The following ITSN1 variants were observed in gnomAD, a reference collection of about 807,000 sequenced individuals.
The protein encoded by ITSN1 is intersectin 1.
A neutral mutation model predicts 239.8 loss-of-function variants in ITSN1; 58 were observed. The ratio of observed to expected loss-of-function variants is 0.24; its 90% CI spans 0.20 to 0.30. ITSN1 has a LOEUF of 0.30. ITSN1 is among the 10% of genes least tolerant of loss of function. The pLI is 1.00. For missense variants in ITSN1, 1,558 were observed against 2,103.3 expected (o/e 0.74, Z 5.07); for synonymous variants, 780 against 770.8 (o/e 1.01, Z -0.20).
At chr21:33,700,315 C>A (rs1231464481) in intron 1 of ITSN1, among the ~76,000 whole-genome samples, 1 of 152,140 alleles carries the variant, frequency 6.6e-6, no homozygotes, top group East Asian at 1.9e-4. Context: ...GAACTCCTAA[C>A]CTCAGGTGAT....
chr21:33,693,335 T>A (rs1363709243), intron 1 of ITSN1, among the ~76,000 whole-genome samples: 1 of 151,494 alleles, frequency 6.6e-6, no homozygotes, highest in Non-Finnish European at 1.5e-5. Context: ...GTTTTTTGTT[T>A]TGTTTTGTTT....
At position 33,866,923 on chromosome 21, in the gene ITSN1, A is replaced by T. The variant is rs550588785; in HGVS notation, c.4075-310A>T. 2.9e-5 allele frequency among the ~76,000 whole-genome samples: 4 copies of T among 137,448 alleles called. No individual in the cohort carries two copies. The East Asian group carries it at 8.8e-4, about 30-fold the overall frequency. The allele number at this position is 137,448 out of a possible 152,430, so 90.2% of individuals were successfully genotyped here. On this transcript the variant is annotated intron_variant, in intron 32 of 39. Coordinates refer to ENST00000381318, the MANE Select transcript of ITSN1 (RefSeq NM_003024.3). ...AAGTTTCTGCAGACATCCAGACGAAATATTCTGTGTAAAGCCAGAATCTCA... is the reference window on the plus strand; with the variant it reads ...AAGTTTCTGCAGACATCCAGACGAATTATTCTGTGTAAAGCCAGAATCTCA...
chr21:33,745,842 G>A (rs554421188), intron 5 of ITSN1, among the ~76,000 whole-genome samples: 1 of 152,194 alleles, frequency 6.6e-6, no homozygotes, highest in Non-Finnish European at 1.5e-5. Context: ...AGACCAGGGT[G>A]GGCCCGAGTC....
At chr21:33,838,248 CTG>C (rs2074697565) in intron 29 of ITSN1, 3 of 985,358 alleles carry the variant, frequency 3.0e-6, no homozygotes, top group Non-Finnish European at 3.6e-6. Context: ...CCTAAAGACT[CTG>C]TAATGCTCAC....
intron 17 of ITSN1, among the ~76,000 whole-genome samples, chr21:33,795,033 A>C (rs2071428682): frequency 6.6e-6 from 1 of 152,206 alleles, no homozygotes; most frequent in South Asian, 2.1e-4. Context: ...AAATTGTAGA[A>C]ATTTGTGTCT....
At chr21:33,832,148 C>T (rs1202039087) in intron 27 of ITSN1, among the ~76,000 whole-genome samples, 2 of 152,174 alleles carry the variant, frequency 1.3e-5, no homozygotes, top group African/African-American at 4.8e-5. Context: ...GAAACACCAG[C>T]ACCCCCTGCT....
chr21:33,889,668 A>G lies in ITSN1; in HGVS notation c.*1368A>G, dbSNP rs1160365720. The G allele has an allele frequency of 1.3e-5, 2 of 152,170 alleles. No individual in the cohort carries two copies. Among genetic ancestry groups the G allele is most frequent in the South Asian group, 4.1e-4 (2 of 4,828 alleles). The allele number at this position is 152,170 out of a possible 1,614,324, so 9.4% of individuals were successfully genotyped here. On this transcript the variant is annotated 3_prime_UTR_variant, in exon 40 of 40. Coordinates refer to ENST00000381318, the MANE Select transcript of ITSN1 (RefSeq NM_003024.3). ...GTTGTGGTCATGAAATGTCCTTTGC[A>G]TGTTCTGTTGGTACTGGAGTCTAGC...
intron 1 of ITSN1, among the ~76,000 whole-genome samples, chr21:33,655,417 A>G (rs1324483568): frequency 6.6e-6 from 1 of 151,772 alleles, no homozygotes; most frequent in Non-Finnish European, 1.5e-5. Flanking sequence ...AGCCACTGAA[A>G]CAAGATTTTT....
intron 16 of ITSN1, among the ~76,000 whole-genome samples, chr21:33,782,723 A>G (rs1479967145): frequency 6.6e-6 from 1 of 152,160 alleles, no homozygotes; most frequent in South Asian, 2.1e-4. Context: ...CAACTGTATC[A>G]TCTTAAGAAT....
chr21:33,650,259 T>G (rs939394886), intron 1 of ITSN1, among the ~76,000 whole-genome samples: 1 of 152,144 alleles, frequency 6.6e-6, no homozygotes, highest in African/African-American at 2.4e-5. Flanking sequence ...TGGATACAGT[T>G]CATGGACGTG....
At chr21:33,756,077 A>T (rs998558637) in intron 8 of ITSN1, among the ~76,000 whole-genome samples, 5 of 152,132 alleles carry the variant, frequency 3.3e-5, no homozygotes, top group African/African-American at 1.2e-4. Context: ...TGGGAGGCTG[A>T]GGCGGGTGGA....
At chr21:33,862,600 G>A (rs1223936229) in intron 31 of ITSN1, among the ~76,000 whole-genome samples, 1 of 152,142 alleles carries the variant, frequency 6.6e-6, no homozygotes, top group African/African-American at 2.4e-5. Flanking sequence ...GCGAGATGGC[G>A]GGAGCAGGGC....
At chr21:33,678,963 G>A (rs1208195543) in intron 1 of ITSN1, among the ~76,000 whole-genome samples, 1 of 152,156 alleles carries the variant, frequency 6.6e-6, no homozygotes, top group African/African-American at 2.4e-5. Flanking sequence ...ATGTATTGTT[G>A]ATATGGTTCT....
chr21:33,701,630 TAA>T (rs371072153), intron 1 of ITSN1, among the ~76,000 whole-genome samples: 8 of 141,030 alleles, frequency 5.7e-5, no homozygotes, highest in Non-Finnish European at 4.7e-5. Flanking sequence ...CTGTGTCTGT[TAA>T]AAAAAAAAAA....
chr21:33,700,708 C>G (rs2091970513), intron 1 of ITSN1, among the ~76,000 whole-genome samples: 1 of 152,132 alleles, frequency 6.6e-6, no homozygotes, highest in Non-Finnish European at 1.5e-5. Context: ...GGCCTCCACT[C>G]TCCCCTTCTG....
At chr21:33,804,959 C>T (rs531969613) in intron 20 of ITSN1, among the ~76,000 whole-genome samples, 18 of 152,320 alleles carry the variant, frequency 1.2e-4, no homozygotes, top group African/African-American at 4.3e-4. Context: ...CAGTGGGTTG[C>T]GGGTTGGACA....
intron 5 of ITSN1, among the ~76,000 whole-genome samples, chr21:33,748,180 C>A (rs764913938): frequency 3.3e-5 from 5 of 152,116 alleles, no homozygotes; most frequent in Non-Finnish European, 7.4e-5. Context: ...TAGAAAATTA[C>A]TTTTGGATGC....
At chr21:33,759,972 G>A (rs376439752) in intron 8 of ITSN1, among the ~76,000 whole-genome samples, 461 of 152,076 alleles carry the variant, frequency 3.0e-3, no homozygotes, top group South Asian at 8.5e-3. Flanking sequence ...GTGTGGTGGC[G>A]CATGCCTGTA....
At chr21:33,784,346 C>T (rs1029355962) in intron 16 of ITSN1, among the ~76,000 whole-genome samples, 1 of 148,582 alleles carries the variant, frequency 6.7e-6, no homozygotes, top group Admixed American at 6.7e-5. Context: ...CACACACACA[C>T]ACACACACTA....
Sources: gnomAD v4.1 joint callset for allele counts (sites outside exome capture counted in the v4.1 genomes callset) on GRCh38, gnomAD v4.1.1 for gene constraint, MANE v1.5 for transcripts, NCBI Gene and HGNC (gene_info 2026-07-23, HGNC 2026-07-21) for gene names.